The following IYD variants were observed in gnomAD, a reference collection of about 807,000 sequenced individuals.
IYD encodes iodotyrosine deiodinase 1.
IYD carries 25 observed loss-of-function variants against 28.4 expected under a neutral mutation model. The ratio of observed to expected loss-of-function variants is 0.88; its 90% CI spans 0.64 to 1.23. The LOEUF is 1.23. Ranked by LOEUF, IYD falls within the 50% of genes most tolerant of loss-of-function variation. The pLI is 0.00. For missense variants in IYD, 352 were observed against 357.9 expected, an observed-to-expected ratio of 0.98 and a Z score of 0.13; for synonymous variants, 140 against 130.8, an observed-to-expected ratio of 1.07 and a Z score of -0.48.
rs566669004 is a variant in IYD at position 150,404,666 on chromosome 6, G to A, written c.*6429G>A. ...AGGGAGTTTGGCTTATTCAACTTGA[G>A]TTAATCAAACATTAATTAAAGCCCC... On this transcript the variant is annotated 3_prime_UTR_variant, in exon 5 of 5. Coordinates refer to ENST00000344419, the MANE Select transcript of IYD (RefSeq NM_203395.3). 1 of 152,264 alleles carries A rather than the reference G, an allele frequency of 6.6e-6. No homozygotes were observed. The highest frequency in any genetic ancestry group is 6.5e-5 in the Admixed American group (1 of 15,298). 9.4% of individuals were successfully genotyped at this position (152,264 alleles called of 1,614,324 possible).
intron 1 of IYD, among the ~76,000 whole-genome samples, chr6:150,381,970 T>A (rs1408462186): frequency 2.0e-5 from 3 of 152,226 alleles, no homozygotes; most frequent in Non-Finnish European, 4.4e-5. Context: ...CATATGTGCA[T>A]GGATTTTTCT....
Position 150,398,629 on chromosome 6 carries a change from A to G in IYD, c.*392A>G, listed in dbSNP as rs1413563994. On this transcript the variant is annotated 3_prime_UTR_variant, in exon 5 of 5. Transcript: ENST00000344419. ...CTCGAATTTAAATTTAGATTAATCAAATGGTCTCCTGTTCTCTGATTTCTG... is the reference window on the plus strand; with the variant it reads ...CTCGAATTTAAATTTAGATTAATCAGATGGTCTCCTGTTCTCTGATTTCTG... The G allele has an allele frequency of 5.7e-6, 1 of 175,692 alleles. No individual in the cohort carries two copies. Among genetic ancestry groups the G allele is most frequent in the Middle Eastern group, 2.7e-3 (1 of 364 alleles). The allele number at this position is 175,692 out of a possible 1,614,324, so 10.9% of individuals were successfully genotyped here.
intron 4 of IYD, among the ~76,000 whole-genome samples, chr6:150,397,222 G>A (rs1230940052): frequency 1.3e-5 from 2 of 152,028 alleles, no homozygotes; most frequent in African/African-American, 4.8e-5. Flanking sequence ...TAGAGTTATT[G>A]ATAACAAATC....
At chr6:150,390,692 C>T (rs1230853710) in intron 2 of IYD, among the ~76,000 whole-genome samples, 2 of 152,138 alleles carry the variant, frequency 1.3e-5, no homozygotes, top group Non-Finnish European at 2.9e-5. Context: ...AATATCCCAC[C>T]CATGAGTCAC....
At chr6:150,396,778 G>T in intron 4 of IYD, 1 of 196,108 alleles carries the variant, frequency 5.1e-6, no homozygotes, top group Non-Finnish European at 1.0e-5. Flanking sequence ...GGAGGCTGAG[G>T]CAGGAGAATG....
At chr6:150,388,634 T>TCTTTCTTC (rs1777976388) in intron 1 of IYD, among the ~76,000 whole-genome samples, 3 of 43,000 alleles carry the variant, frequency 7.0e-5, no homozygotes, top group African/African-American at 1.8e-4. Context: ...GTTTTTGCTT[T>TCTTTCTTC]CTTTCTTTCT....
chr6:150,383,039 A>G (rs996575116), intron 1 of IYD, among the ~76,000 whole-genome samples: 1 of 152,204 alleles, frequency 6.6e-6, no homozygotes, highest in African/African-American at 2.4e-5. Context: ...TTGGAAAAGT[A>G]CTTATAAAAA....
At position 150,402,747 on chromosome 6, in the gene IYD, C is replaced by T. The variant is rs1007560128; in HGVS notation, c.*4510C>T. On this transcript the variant is annotated 3_prime_UTR_variant, in exon 5 of 5. Transcript: ENST00000344419. The stretch of plus-strand genomic sequence containing the variant: ...TCTGCCTCTGTCCACAAAATGGAAA[C>T]TTCCATCAAGGAGTACTGGAGGACA... 3.3e-5 allele frequency: 5 copies of T among 152,192 alleles called. No homozygotes were observed. Among genetic ancestry groups the T allele is most frequent in the African/African-American group, 1.2e-4 (5 of 41,460 alleles). 9.4% of individuals were successfully genotyped at this position (152,192 alleles called of 1,614,324 possible).
chr6:150,382,521 A>G (rs1777684204), intron 1 of IYD, among the ~76,000 whole-genome samples: 3 of 152,216 alleles, frequency 2.0e-5, no homozygotes, highest in Non-Finnish European at 4.4e-5. Flanking sequence ...AATTTCAGCC[A>G]TTGCCTTTTC....
Position 150,373,701 on chromosome 6 carries a change from C to T in IYD, c.178+4492C>T, listed in dbSNP as rs542102307. 3.9e-5 allele frequency among the ~76,000 whole-genome samples: 6 copies of T among 152,306 alleles called. No individual in the cohort carries two copies. In the East Asian group the frequency reaches 1.2e-3, roughly 29 times the overall value. ...AATCAGTGCTTTCTCCCTTCCACCCCACAAAGAGTTGGCTTACCAGCCCAC... is the reference window on the plus strand; with the variant it reads ...AATCAGTGCTTTCTCCCTTCCACCCTACAAAGAGTTGGCTTACCAGCCCAC... On this transcript the variant is annotated intron_variant, in intron 1 of 4. Coordinates refer to ENST00000344419, the MANE Select transcript of IYD (RefSeq NM_203395.3).
intron 1 of IYD, among the ~76,000 whole-genome samples, chr6:150,382,499 C>A (rs769467449): frequency 6.6e-6 from 1 of 152,138 alleles, no homozygotes; most frequent in Non-Finnish European, 1.5e-5. Flanking sequence ...TATTTTTCAA[C>A]AATTTTGGAA....
intron 1 of IYD, among the ~76,000 whole-genome samples, chr6:150,372,326 G>A (rs1407642332): frequency 5.3e-5 from 7 of 132,442 alleles, no homozygotes; most frequent in African/African-American, 2.0e-4. Flanking sequence ...TGTGGGTGGG[G>A]TGGGGGGTGG....
At chr6:150,383,776 T>TA (rs143895887) in intron 1 of IYD, among the ~76,000 whole-genome samples, 1,820 of 96,774 alleles carry the variant, frequency 0.019, 45 homozygotes, top group African/African-American at 0.069. Context: ...CCATGCAACA[T>TA]AATGAGACCA....
chr6:150,397,748 G>A (rs1293586921), intron 4 of IYD, among the ~76,000 whole-genome samples: 2 of 151,672 alleles, frequency 1.3e-5, no homozygotes, highest in Non-Finnish European at 2.9e-5. Flanking sequence ...TACTGTAGTT[G>A]GATTCCTACA....
chr6:150,382,034 C>A (rs1777662736), intron 1 of IYD, among the ~76,000 whole-genome samples: 1 of 152,168 alleles, frequency 6.6e-6, no homozygotes, highest in Non-Finnish European at 1.5e-5. Context: ...TGATGTACCA[C>A]GCAGATCCCC....
rs758276873 is a variant in IYD, at chr6:150,389,498, G to A, written c.325G>A (p.Glu109Lys). ...ACGGTCAGTCAGGTTCATAAGTAAT[G>A]AGCAAGTCCCAATGGAAGTCATTGA... Reference protein sequence around the residue: ...KRRSVRFISNEQVPMEVIDNV... With the variant: ...KRRSVRFISNKQVPMEVIDNV... Residue 109 changes from glutamate (E) to lysine (K), a missense_variant, in exon 2 of 5, where the codon GAG becomes AAG. Physicochemically the swap from Glu to Lys is moderately conservative, Grantham distance 56. Transcript: ENST00000344419. 39 of 1,613,960 alleles carry A rather than the reference G, an allele frequency of 2.4e-5. No individual in the cohort carries two copies. Among genetic ancestry groups the A allele is most frequent in the Non-Finnish European group, 3.1e-5 (37 of 1,179,990 alleles).
At chr6:150,396,533 C>A in intron 4 of IYD, 1 of 678,076 alleles carries the variant, frequency 1.5e-6, no homozygotes, top group Non-Finnish European at 2.6e-6. Context: ...TGAAAAGGAC[C>A]AAGATATAAA....
intron 1 of IYD, among the ~76,000 whole-genome samples, chr6:150,382,404 T>C (rs1777678187): frequency 6.6e-6 from 1 of 152,160 alleles, no homozygotes; most frequent in South Asian, 2.1e-4. Flanking sequence ...TGAGTCAGCT[T>C]CTTGGAGAAC....
At chr6:150,397,967 T>C in intron 4 of IYD, 88 bp from the exon 5 acceptor site, 1 of 1,263,576 alleles carries the variant, frequency 7.9e-7, no homozygotes, top group South Asian at 1.2e-5. Flanking sequence ...AGAGCAGGTA[T>C]AATCAGGACA....
Sources: allele counts gnomAD v4.1 joint callset (sites outside exome capture counted in the v4.1 genomes callset), GRCh38; gene constraint gnomAD v4.1.1; transcripts MANE v1.5; gene names NCBI Gene and HGNC (gene_info 2026-07-23, HGNC 2026-07-21).